The following CNTN4 variants were observed in gnomAD, a reference collection of about 807,000 sequenced individuals.
CNTN4 encodes contactin 4, also known as contactin-4.
Under a neutral mutation model 122.5 loss-of-function variants are expected in CNTN4, and 77 were observed. That is an observed-to-expected ratio of 0.63 (90% confidence interval 0.52 to 0.76). CNTN4 has a LOEUF of 0.76. Among genes scored for constraint, CNTN4 ranks in the 30% least tolerant of loss-of-function variants. The probability of loss-of-function intolerance (pLI) is 0.00; values close to 1 mark genes in which losing one functional copy is unlikely to be tolerated. For missense variants in CNTN4, 1,256 were observed against 1,259.1 expected, an observed-to-expected ratio of 1.00 and a Z score of 0.04; for synonymous variants, 512 against 447.0, an observed-to-expected ratio of 1.15 and a Z score of -1.83.
At chr3:2,152,593 G>A (rs1017828954) in intron 2 of CNTN4, among the ~76,000 whole-genome samples, 1 of 152,148 alleles carries the variant, frequency 6.6e-6, no homozygotes, top group Non-Finnish European at 1.5e-5. Context: ...AAGAATCCAG[G>A]ATGTGACTCC....
At chr3:2,433,951 CA>C (rs2048170237) in intron 3 of CNTN4, among the ~76,000 whole-genome samples, 1 of 151,996 alleles carries the variant, frequency 6.6e-6, no homozygotes, top group South Asian at 2.1e-4. Flanking sequence ...TGGAATTTTA[CA>C]AAGTTGAACT....
intron 2 of CNTN4, among the ~76,000 whole-genome samples, chr3:2,312,520 C>A (rs754918884): frequency 6.6e-5 from 10 of 151,822 alleles, no homozygotes; most frequent in Admixed American, 3.3e-4. Flanking sequence ...AATTCTTATC[C>A]CAGTGAGCCA....
At chr3:2,244,172 A>G (rs540183838) in intron 2 of CNTN4, among the ~76,000 whole-genome samples, 1 of 152,090 alleles carries the variant, frequency 6.6e-6, no homozygotes, top group Non-Finnish European at 1.5e-5. Context: ...GAAATTAATA[A>G]CTATTGATAA....
intron 14 of CNTN4, among the ~76,000 whole-genome samples, chr3:2,997,887 A>G (rs1005250217): frequency 1.3e-5 from 2 of 152,220 alleles, no homozygotes; most frequent in African/African-American, 4.8e-5. Flanking sequence ...TTAAGTGAAG[A>G]TTAGCAACAT....
At chr3:2,741,424 C>T (rs532332645) in intron 5 of CNTN4, among the ~76,000 whole-genome samples, 1 of 152,252 alleles carries the variant, frequency 6.6e-6, no homozygotes, top group East Asian at 1.9e-4. Context: ...AGTAAGAAAA[C>T]AACAACTCTC....
rs1372535998 is a variant in CNTN4 at position 2,539,826 on chromosome 3, C to T, written c.-88-31590C>T. ...ATGGCATTTTTTTCCCTTATGATAA[C>T]TGATATTCAGGATTGGAAACAGTTT... On this transcript the variant is annotated intron_variant, in intron 3 of 24. Transcript: ENST00000418658. Among the ~76,000 whole-genome samples, 2 of 151,872 alleles carry T rather than the reference C, an allele frequency of 1.3e-5. 1 individual carries two copies. Among genetic ancestry groups the T allele is most frequent in the Non-Finnish European group, 2.9e-5 (2 of 67,978 alleles).
chr3:2,564,550 T>A (rs976336777), intron 3 of CNTN4, among the ~76,000 whole-genome samples: 16 of 152,148 alleles, frequency 1.1e-4, no homozygotes, highest in African/African-American at 3.6e-4. Context: ...AATAATGTAA[T>A]TCAAAGTTTC....
At chr3:2,277,937 A>G (rs892302771) in intron 2 of CNTN4, among the ~76,000 whole-genome samples, 2 of 150,876 alleles carry the variant, frequency 1.3e-5, no homozygotes, top group African/African-American at 4.9e-5. Flanking sequence ...AATGGCTTAA[A>G]TTTTTTTTTT....
At chr3:2,855,279 G>A (rs956170142) in intron 7 of CNTN4, among the ~76,000 whole-genome samples, 23 of 152,126 alleles carry the variant, frequency 1.5e-4, no homozygotes, top group Admixed American at 1.5e-3. Flanking sequence ...TCCTGGCATA[G>A]GAAAAGAAAT....
chr3:2,473,090 G>A (rs1218854301), intron 3 of CNTN4, among the ~76,000 whole-genome samples: 2 of 151,950 alleles, frequency 1.3e-5, no homozygotes. Flanking sequence ...AATTAGCTGG[G>A]CGTGGTGGTG....
chr3:2,888,554 T>C (rs1252059660), intron 10 of CNTN4, among the ~76,000 whole-genome samples: 1 of 152,146 alleles, frequency 6.6e-6, no homozygotes, highest in Non-Finnish European at 1.5e-5. Flanking sequence ...ACTGCCATTT[T>C]TCATACCCGG....
At chr3:2,773,032 G>A (rs2091170339) in intron 6 of CNTN4, among the ~76,000 whole-genome samples, 1 of 152,158 alleles carries the variant, frequency 6.6e-6, no homozygotes, top group Non-Finnish European at 1.5e-5. Context: ...CTGGCAACAT[G>A]GAATTGACTT....
intron 2 of CNTN4, among the ~76,000 whole-genome samples, chr3:2,164,302 A>C (rs1265924978): frequency 3.3e-5 from 5 of 152,190 alleles, no homozygotes; most frequent in African/African-American, 1.2e-4. Context: ...CTACTGACCA[A>C]ATTAATTAAC....
intron 2 of CNTN4, among the ~76,000 whole-genome samples, chr3:2,299,144 A>T (rs1250616323): frequency 6.6e-6 from 1 of 152,190 alleles, no homozygotes; most frequent in Non-Finnish European, 1.5e-5. Flanking sequence ...GGAAATCTTT[A>T]TACAGCTAAG....
chr3:2,912,588 T>C (rs1273010167), intron 12 of CNTN4, among the ~76,000 whole-genome samples: 1 of 152,248 alleles, frequency 6.6e-6, no homozygotes, highest in Non-Finnish European at 1.5e-5. Flanking sequence ...TGGTATAGAA[T>C]GTTTTAAAAA....
At chr3:2,665,657 C>G (rs574710805) in intron 4 of CNTN4, among the ~76,000 whole-genome samples, 1 of 152,134 alleles carries the variant, frequency 6.6e-6, no homozygotes, top group African/African-American at 2.4e-5. Context: ...TGAGCCTCAC[C>G]CTAATTAGGG....
chr3:2,122,868 C>G (rs527541251), intron 2 of CNTN4, among the ~76,000 whole-genome samples: 2 of 152,314 alleles, frequency 1.3e-5, no homozygotes, highest in East Asian at 3.9e-4. Flanking sequence ...GTTAGACATT[C>G]TTGTGCAAGG....
chr3:2,213,057 A>G (rs2038689026), intron 2 of CNTN4, among the ~76,000 whole-genome samples: 1 of 152,158 alleles, frequency 6.6e-6, no homozygotes, highest in South Asian at 2.1e-4. Context: ...CATCAATCTC[A>G]TAAATGCTGT....
chr3:2,613,064 A>G (rs1576217967), intron 4 of CNTN4, among the ~76,000 whole-genome samples: 1 of 152,296 alleles, frequency 6.6e-6, no homozygotes, highest in South Asian at 2.1e-4. Flanking sequence ...TCTGCTTATC[A>G]GTGGTGCAAT....
Sources: gnomAD v4.1 joint callset for allele counts (sites outside exome capture counted in the v4.1 genomes callset) on GRCh38, gnomAD v4.1.1 for gene constraint, MANE v1.5 for transcripts, NCBI Gene and HGNC (gene_info 2026-07-23, HGNC 2026-07-21) for gene names.